Variants in SMYD4 observed in about 807,000 individuals in gnomAD.
The protein encoded by SMYD4 is protein-lysine N-methyltransferase SMYD4.
Under a neutral mutation model 72.8 loss-of-function variants are expected in SMYD4, and 68 were observed. The ratio of observed to expected loss-of-function variants is 0.93; its 90% confidence interval spans 0.77 to 1.14. The LOEUF (loss-of-function observed/expected upper bound fraction) is 1.14. Among genes scored for constraint, SMYD4 ranks in the 50% most tolerant of loss-of-function variants. The pLI is 0.00. For synonymous variants in SMYD4, 407 were observed against 388.6 expected (o/e 1.05, Z -0.56); for missense variants, 984 against 1,003.7 (o/e 0.98, Z 0.27).
chr17:1,781,380 T>G lies in SMYD4; in HGVS notation c.2321A>C (p.His774Pro). The change falls in exon 11 of 11, where the codon CAC becomes CCC. Residue 774 changes from histidine (H) to proline (P), a missense_variant. Physicochemically the swap from His to Pro is moderately conservative, Grantham distance 77. Transcript: ENST00000305513. ...IQKAEEVLSL[H>P]CGPWDDEIQE... ...GATTTCATCGTCCCATGGGCCACAG[T>G]GCAGCGACAGAACCTCCTCAGCTTT... The G allele has an allele frequency of 6.2e-7, 1 of 1,614,088 alleles. No homozygotes were observed. The highest frequency in any genetic ancestry group is 8.5e-7 in the Non-Finnish European group (1 of 1,180,012).
chr17:1,795,640 C>T (rs9675151), intron 5 of SMYD4, among the ~76,000 whole-genome samples: 2,905 of 151,918 alleles, frequency 0.019, 111 homozygotes, highest in African/African-American at 0.067. Flanking sequence ...ACGGGTTTCA[C>T]CATGTTGGCC....
chr17:1,789,551 G>A (rs868862035), intron 5 of SMYD4, among the ~76,000 whole-genome samples: 1 of 152,118 alleles, frequency 6.6e-6, no homozygotes, highest in Non-Finnish European at 1.5e-5. Context: ...ATCACTTGAG[G>A]TCAGGAGTTC....
chr17:1,793,270 T>G (rs1909160531), intron 5 of SMYD4, among the ~76,000 whole-genome samples: 1 of 151,706 alleles, frequency 6.6e-6, no homozygotes, highest in Admixed American at 6.6e-5. Context: ...GCTAGAGATA[T>G]TCCCTCATTT....
intron 1 of SMYD4, among the ~76,000 whole-genome samples, chr17:1,829,110 A>C (rs766722405): frequency 3.9e-5 from 6 of 152,164 alleles, no homozygotes; most frequent in Non-Finnish European, 7.4e-5. Flanking sequence ...TCCAACACTG[A>C]GACAGAAGTC....
chr17:1,802,324 C>A (rs1350310251), intron 4 of SMYD4, among the ~76,000 whole-genome samples: 1 of 151,866 alleles, frequency 6.6e-6, no homozygotes, highest in Admixed American at 6.6e-5. Flanking sequence ...AGACCCTGGG[C>A]TCTATAAAAA....
At chr17:1,798,218 C>T (rs1909510013) in intron 5 of SMYD4, among the ~76,000 whole-genome samples, 1 of 151,524 alleles carries the variant, frequency 6.6e-6, no homozygotes, top group African/African-American at 2.4e-5. Context: ...GCAACCTCTG[C>T]CTCCTGGGCT....
chr17:1,829,453 A>G (rs150170249), intron 1 of SMYD4: 1 of 152,334 alleles, frequency 6.6e-6, no homozygotes, highest in East Asian at 1.9e-4. Flanking sequence ...TGTGATTCCA[A>G]CACCCTTGGG....
At chr17:1,785,429 A>G (rs1419113215) in intron 7 of SMYD4, among the ~76,000 whole-genome samples, 4 of 73,530 alleles carry the variant, frequency 5.4e-5, no homozygotes, top group African/African-American at 3.3e-4. Flanking sequence ...TCTGTCTCAC[A>G]AAAGAAAAAG....
intron 5 of SMYD4, among the ~76,000 whole-genome samples, chr17:1,792,432 A>G (rs112078723): frequency 0.023 from 3,571 of 152,112 alleles, 56 homozygotes; most frequent in Non-Finnish European, 0.035. Flanking sequence ...GCGGATCACG[A>G]GGTCAGGAGA....
intron 5 of SMYD4, among the ~76,000 whole-genome samples, chr17:1,794,085 A>ATATATG (rs1567771002): frequency 0.12 from 2,323 of 19,734 alleles, 304 homozygotes; most frequent in Non-Finnish European, 0.16. Flanking sequence ...ATATGTGTAT[A>ATATATG]TATATATATA....
chr17:1,782,810 A>G (rs1908435527), intron 10 of SMYD4: 1 of 300,634 alleles, frequency 3.3e-6, no homozygotes, highest in African/African-American at 2.4e-5. Context: ...TCTGTCGCCC[A>G]GGCTACAGTG....
chr17:1,794,105 ATTTT>A (rs59420310), intron 5 of SMYD4, among the ~76,000 whole-genome samples: 374 of 12,822 alleles, frequency 0.029, 9 homozygotes, highest in African/African-American at 0.12. Context: ...ATATATATAT[ATTTT>A]TTTTTTTTTT....
At chr17:1,827,019 G>A (rs1911214804) in intron 2 of SMYD4, among the ~76,000 whole-genome samples, 1 of 152,016 alleles carries the variant, frequency 6.6e-6, no homozygotes, top group African/African-American at 2.4e-5. Flanking sequence ...TGGGCATGAT[G>A]GTGTACGCCT....
intron 2 of SMYD4, among the ~76,000 whole-genome samples, chr17:1,825,582 G>A (rs927105440): frequency 3.3e-5 from 5 of 150,328 alleles, no homozygotes; most frequent in South Asian, 4.2e-4. Context: ...CACAATCATG[G>A]CTCGCTGCAG....
At chr17:1,788,734 C>A (rs1891287547) in intron 5 of SMYD4, among the ~76,000 whole-genome samples, 1 of 151,594 alleles carries the variant, frequency 6.6e-6, no homozygotes, top group African/African-American at 2.4e-5. Flanking sequence ...AAGAGTGAGA[C>A]CCCGCCTCCA....
At chr17:1,801,262 G>A (rs936406798) in intron 4 of SMYD4, among the ~76,000 whole-genome samples, 2 of 151,324 alleles carry the variant, frequency 1.3e-5, no homozygotes, top group South Asian at 2.1e-4. Flanking sequence ...TTTTTGAGAC[G>A]GAGTCTCGCT....
At position 1,800,259 on chromosome 17, in the gene SMYD4, T is replaced by C. The variant is rs142060143; in HGVS notation, c.1135A>G (p.Ile379Val). Residue 379 changes from isoleucine (I) to valine (V), a missense_variant, in exon 5 of 11, where the codon ATC becomes GTC. Physicochemically the swap from Ile to Val is conservative, Grantham distance 29. Coordinates refer to ENST00000305513, the MANE Select transcript of SMYD4 (RefSeq NM_052928.3). ...TGATTGTTGCTTTCAGGTAAACAGA[T>C]GTCCTTGTTACTAATCTTATCACAA... ...KLCDKISNKDICLPESNNQVK... is the reference protein window; with the variant it reads ...KLCDKISNKDVCLPESNNQVK... 20 of 1,614,092 alleles carry C rather than the reference T, an allele frequency of 1.2e-5. No individual in the cohort carries two copies. In the African/African-American group the frequency reaches 2.0e-4, roughly 16 times the overall value.
intron 5 of SMYD4, among the ~76,000 whole-genome samples, chr17:1,796,132 ATTTTTCT>A (rs879606006): frequency 7.9e-5 from 12 of 151,626 alleles, no homozygotes; most frequent in Non-Finnish European, 1.8e-4. Flanking sequence ...ATAAGCATGT[ATTTTTCT>A]TTTTTCTTTT....
At chr17:1,824,701 C>T (rs1911072205) in intron 2 of SMYD4, among the ~76,000 whole-genome samples, 1 of 152,004 alleles carries the variant, frequency 6.6e-6, no homozygotes, top group Admixed American at 6.6e-5. Context: ...CGCACTGCAC[C>T]CTCCGTCTCC....
Sources: gnomAD v4.1 joint callset for allele counts (sites outside exome capture counted in the v4.1 genomes callset) on GRCh38, gnomAD v4.1.1 for gene constraint, MANE v1.5 for transcripts, NCBI Gene and HGNC (gene_info 2026-07-23, HGNC 2026-07-21) for gene names.